HSP90B1: variants seen among roughly 807,000 people sequenced by gnomAD.
HSP90B1 encodes the protein heat shock protein 90 beta family member 1, also known as endoplasmin.
In HSP90B1, 27 loss-of-function variants were observed where a neutral mutation model predicts 100.4. The ratio of observed to expected loss-of-function variants is 0.27; its 90% CI spans 0.20 to 0.37. The LOEUF (loss-of-function observed/expected upper bound fraction) is 0.37. HSP90B1 is among the 10% of genes least tolerant of loss of function. The pLI, the probability that HSP90B1 is intolerant of heterozygous loss-of-function variation, is 1.00. For missense variants in HSP90B1, 678 were observed against 960.5 expected, an observed-to-expected ratio of 0.71 and a Z score of 3.89; for synonymous variants, 304 against 330.8, an observed-to-expected ratio of 0.92 and a Z score of 0.88.
intron 11 of HSP90B1, among the ~76,000 whole-genome samples, 157 bp downstream of exon 11, chr12:103,942,054 T>A (rs1870096814): frequency 6.6e-6 from 1 of 152,182 alleles, no homozygotes; most frequent in Admixed American, 6.5e-5. Flanking sequence ...AAGAATCTGA[T>A]TCTTTTTCTC....
At position 103,943,439 on chromosome 12, in the gene HSP90B1, TTAATG is replaced by T. The variant is rs1275076511; in HGVS notation, c.1890+125_1890+129del. 1.3e-5 allele frequency: 12 copies of T among 893,766 alleles called. No individual in the cohort carries two copies. The South Asian group carries it at 2.0e-4, about 15-fold the overall frequency. 55.4% of individuals were successfully genotyped at this position (893,766 alleles called of 1,614,324 possible). On this transcript the variant is annotated intron_variant, in intron 13 of 17. Coordinates refer to ENST00000299767, the MANE Select transcript of HSP90B1 (RefSeq NM_003299.3). The surrounding 1 kb of genome is among the most constrained non-coding windows in gnomAD (Gnocchi z 5.3). Reference sequence around the variant, plus strand: ...AACCATTAGAATGGTAAAAATTTAATTAATGTAATTAAATTATTGGGAGAAAGCTT... The same window carrying T: ...AACCATTAGAATGGTAAAAATTTAATTAATTAAATTATTGGGAGAAAGCTT...
Position 103,932,898 on chromosome 12 carries a change from G to T in HSP90B1, c.367G>T (p.Glu123Ter). 1 of 1,602,816 alleles carries T rather than the reference G, an allele frequency of 6.2e-7. No individual in the cohort carries two copies. The highest frequency in any genetic ancestry group is 8.5e-7 in the Non-Finnish European group (1 of 1,169,938). Residue 123 changes from glutamate to a stop codon, truncating the protein, a stop_gained, in exon 4 of 18, where the codon GAA becomes TAA. Transcript: ENST00000299767. LOFTEE classifies it high-confidence loss of function. ...GATAAGGCTAATATCACTGACTGAT[G>T]AAAATGCTCTTTCTGGAAATGAGGA... ...DKIRLISLTD[E>*]NALSGNEELT...
chr12:103,939,462 C>CT (rs757032590), intron 7 of HSP90B1, 47 bp from the exon 8 acceptor site: 2 of 820,528 alleles, frequency 2.4e-6, no homozygotes, highest in Non-Finnish European at 3.9e-6. Context: ...CTAGGATAAC[C>CT]TTGGTGAGTG....
Position 103,943,967 on chromosome 12 carries a change from T to A in HSP90B1, c.2027+93T>A. 5 of 1,221,388 alleles carry A rather than the reference T, an allele frequency of 4.1e-6. No individual in the cohort carries two copies. Among genetic ancestry groups the A allele is most frequent in the Non-Finnish European group, 5.6e-6 (5 of 893,060 alleles). The allele number at this position is 1,221,388 out of a possible 1,614,324, so 75.7% of individuals were successfully genotyped here. On this transcript the variant is annotated intron_variant, in intron 14 of 17. Transcript: ENST00000299767. This position sits in a 1 kb window ranked among gnomAD's most constrained non-coding sequence, Gnocchi z 5.3. Reference sequence around the variant, plus strand: ...ACCAGCTTCAATACAAAGAGTAAAATTGCCTTAAATGTCTACCACTGTCTA... The same window carrying A: ...ACCAGCTTCAATACAAAGAGTAAAAATGCCTTAAATGTCTACCACTGTCTA...
chr12:103,946,106 C>G (rs4964142), intron 14 of HSP90B1, among the ~76,000 whole-genome samples: 13,440 of 152,112 alleles, frequency 0.088, 785 homozygotes, highest in East Asian at 0.31. Flanking sequence ...CTTTTAATAC[C>G]TAATGCAATT....
chr12:103,946,491 TCAATAGTA>T lies in HSP90B1; in HGVS notation c.2028-124_2028-117del, dbSNP rs374318018. 58 of 678,080 alleles carry T rather than the reference TCAATAGTA, an allele frequency of 8.6e-5. No homozygotes were observed. In the African/African-American group the frequency reaches 9.1e-4, roughly 11 times the overall value. The allele number at this position is 678,080 out of a possible 1,614,324, so 42.0% of individuals were successfully genotyped here. On this transcript the variant is annotated intron_variant, in intron 14 of 17. Coordinates refer to ENST00000299767, the MANE Select transcript of HSP90B1 (RefSeq NM_003299.3). ...AGTTCAAACCTGTGGTGTTCAAGTG[TCAATAGTA>T]CATTTTGATTTTTTTTTTTTACCAA...
In HSP90B1 at chr12:103,941,625, T is replaced by G. The variant is rs545043145; in HGVS notation, c.1231-4T>G. The G allele has an allele frequency of 2.4e-5, 38 of 1,614,188 alleles. No individual in the cohort carries two copies. In the East Asian group the frequency reaches 8.2e-4, roughly 35 times the overall value. ...AGAAAGTGACTTTTTTTTGGTCTCT[T>G]TAGCTCTATGTGCGCCGTGTATTCA... On this transcript the variant is annotated splice_region_variant and splice_polypyrimidine_tract_variant and intron_variant, in intron 9 of 17. Coordinates refer to ENST00000299767, the MANE Select transcript of HSP90B1 (RefSeq NM_003299.3).
intron 14 of HSP90B1, among the ~76,000 whole-genome samples, chr12:103,945,764 G>C (rs1385154311): frequency 6.6e-6 from 1 of 152,034 alleles, no homozygotes; most frequent in East Asian, 1.9e-4. Flanking sequence ...GTGTCCACTT[G>C]CTCCCCACCC....
chr12:103,937,623 TG>T, intron 5 of HSP90B1, 71 bp from the exon 6 acceptor site: 2 of 761,334 alleles, frequency 2.6e-6, no homozygotes, highest in Non-Finnish European at 4.7e-6. Flanking sequence ...GCTATTACCA[TG>T]GTATTTAAAT....
chr12:103,936,749 T>C (rs1172253476), intron 5 of HSP90B1, among the ~76,000 whole-genome samples: 1 of 152,220 alleles, frequency 6.6e-6, no homozygotes, highest in Admixed American at 6.5e-5. Context: ...TTTAATTGCC[T>C]TTTAAATGCT....
intron 5 of HSP90B1, among the ~76,000 whole-genome samples, chr12:103,935,346 C>T (rs1869882269): frequency 6.6e-6 from 1 of 152,208 alleles, no homozygotes; most frequent in East Asian, 1.9e-4. Flanking sequence ...CAGCTTTTTG[C>T]CTTTTTAAAA....
rs1870139548 is a variant in HSP90B1, at chr12:103,943,582, C to G, written c.1891-156C>G. 5.4e-6 allele frequency: 4 copies of G among 744,418 alleles called. No individual in the cohort carries two copies. Among genetic ancestry groups the G allele is most frequent in the Non-Finnish European group, 6.3e-6 (3 of 476,952 alleles). The allele number at this position is 744,418 out of a possible 1,614,324, so 46.1% of individuals were successfully genotyped here. The stretch of plus-strand genomic sequence containing the variant: ...AAAATTCAGATTATCAAGTAAGTGC[C>G]CCTACAAATTCTCCTAAACCTTAAG... On this transcript the variant is annotated intron_variant, in intron 13 of 17. Coordinates refer to ENST00000299767, the MANE Select transcript of HSP90B1 (RefSeq NM_003299.3). The surrounding 1 kb of genome is among the most constrained non-coding windows in gnomAD (Gnocchi z 5.3).
At position 103,934,337 on chromosome 12, in the gene HSP90B1, T is replaced by G. The variant is rs117759857; in HGVS notation, c.743+50T>G. The G allele has an allele frequency of 9.8e-3, 13,693 of 1,400,908 alleles. 90 individuals carry two copies. The highest frequency in any genetic ancestry group is 0.011 in the Non-Finnish European group (11,208 of 1,000,432). The allele number at this position is 1,400,908 out of a possible 1,614,324, so 86.8% of individuals were successfully genotyped here. Reference sequence around the variant, plus strand: ...GAATTAATAGTCATGGTGAGGATCTTGACTCTCCAGTTCTATTCTCTGAGC... The same window carrying G: ...GAATTAATAGTCATGGTGAGGATCTGGACTCTCCAGTTCTATTCTCTGAGC... On this transcript the variant is annotated intron_variant, in intron 5 of 17. Transcript: ENST00000299767.
chr12:103,947,082 T>C, intron 16 of HSP90B1, 141 bp downstream of exon 16: 1 of 1,098,898 alleles, frequency 9.1e-7, no homozygotes, highest in Non-Finnish European at 1.3e-6. Context: ...TATTGAATGT[T>C]TGAATCCCTG....
At chr12:103,931,692 A>C in intron 2 of HSP90B1, 69 bp downstream of exon 2, 1 of 1,090,326 alleles carries the variant, frequency 9.2e-7, no homozygotes. Context: ...GTCACTTCTT[A>C]TGTATCTCTT....
Position 103,941,812 on chromosome 12 carries a change from C to CT in HSP90B1, c.1309-17dup. Reference sequence around the variant, plus strand: ...TCCAGTGGTTTTATTGCTCACTGAACTTTCTTTTGCCATCTGAAGGTGGAC... The same window carrying CT: ...TCCAGTGGTTTTATTGCTCACTGAACTTTTCTTTTGCCATCTGAAGGTGGAC... On this transcript the variant is annotated intron_variant, in intron 10 of 17. Transcript: ENST00000299767. The CT allele has an allele frequency of 1.2e-6, 2 of 1,612,482 alleles. No homozygotes were observed. The highest frequency in any genetic ancestry group is 2.7e-5 in the African/African-American group (2 of 74,990).
intron 4 of HSP90B1, among the ~76,000 whole-genome samples, chr12:103,933,369 C>T (rs756272357): frequency 2.6e-5 from 4 of 152,206 alleles, no homozygotes; most frequent in Non-Finnish European, 5.9e-5. Context: ...AGTGTGTAGC[C>T]GGTTGCCATG....
Position 103,944,089 on chromosome 12 carries a change from TG to T in HSP90B1, c.2027+216del, listed in dbSNP as rs1270088060. ...CATGATTTTCTGATTTTATTGTATT[TG>T]ATATGTAAATGGGAATTTTCTTAAT... is the stretch of plus-strand genomic sequence containing the variant. On this transcript the variant is annotated intron_variant, in intron 14 of 17. Coordinates refer to ENST00000299767, the MANE Select transcript of HSP90B1 (RefSeq NM_003299.3). Among the ~76,000 whole-genome samples the T allele has an allele frequency of 3.3e-5, 5 of 152,362 alleles. No homozygotes were observed. The East Asian group carries it at 9.6e-4, about 29-fold the overall frequency.
At chr12:103,936,746 G>A (rs1278913334) in intron 5 of HSP90B1, among the ~76,000 whole-genome samples, 3 of 151,844 alleles carry the variant, frequency 2.0e-5, no homozygotes, top group Non-Finnish European at 4.4e-5. Context: ...GTGTTTAATT[G>A]CCTTTTAAAT....
Sources: gnomAD v4.1 joint callset for allele counts (sites outside exome capture counted in the v4.1 genomes callset) on GRCh38, gnomAD v4.1.1 for gene constraint, Gnocchi (gnomAD v3.1) non-coding constraint, MANE v1.5 for transcripts, NCBI Gene and HGNC (gene_info 2026-07-23, HGNC 2026-07-21) for gene names.